The following NTRK3 variants were observed in gnomAD, a reference collection of about 807,000 sequenced individuals.
NTRK3 encodes neurotrophic receptor tyrosine kinase 3.
NTRK3 carries 24 observed loss-of-function variants against 91.7 expected under a neutral mutation model. The ratio of observed to expected loss-of-function variants is 0.26; its 90% CI spans 0.19 to 0.37. NTRK3 has a LOEUF of 0.37. Among genes scored for constraint, NTRK3 ranks in the 10% least tolerant of loss-of-function variants. NTRK3 has a pLI of 1.00. For missense variants in NTRK3, 880 were observed against 1,068.9 expected (o/e 0.82, Z 2.46); for synonymous variants, 483 against 404.0 (o/e 1.20, Z -2.34).
intron 14 of NTRK3, among the ~76,000 whole-genome samples, chr15:88,024,927 AGAAGT>A (rs2077902158): frequency 6.6e-6 from 1 of 152,266 alleles, no homozygotes; most frequent in Admixed American, 6.5e-5. Context: ...ATGACAGCTT[AGAAGT>A]GAAGTATGCT....
chr15:88,046,747 C>T (rs1266110496), intron 13 of NTRK3, among the ~76,000 whole-genome samples: 1 of 152,188 alleles, frequency 6.6e-6, no homozygotes, highest in African/African-American at 2.4e-5. Context: ...GCAAGGGCCC[C>T]AGCAGCCTCT....
At chr15:88,157,738 C>A (rs575067549) in intron 5 of NTRK3, among the ~76,000 whole-genome samples, 1 of 152,180 alleles carries the variant, frequency 6.6e-6, no homozygotes, top group East Asian at 1.9e-4. Context: ...GAGGAGATAA[C>A]TTGTTTGTGT....
intron 14 of NTRK3, among the ~76,000 whole-genome samples, chr15:88,012,837 C>T (rs2076975255): frequency 6.6e-6 from 1 of 152,212 alleles, no homozygotes; most frequent in African/African-American, 2.4e-5. Flanking sequence ...GAAATGCAGA[C>T]TGCTGAATCC....
intron 16 of NTRK3, among the ~76,000 whole-genome samples, chr15:87,932,457 G>A (rs2068886343): frequency 6.6e-6 from 1 of 152,132 alleles, no homozygotes; most frequent in Non-Finnish European, 1.5e-5. Flanking sequence ...GGCCATAGGT[G>A]GACACTGTAC....
intron 17 of NTRK3, among the ~76,000 whole-genome samples, chr15:87,892,035 C>G (rs1251955377): frequency 1.3e-5 from 2 of 151,706 alleles, no homozygotes; most frequent in Admixed American, 1.3e-4. Context: ...AAATTAAATG[C>G]AGAGCCCCTG....
At chr15:88,120,137 C>G (rs2052541673) in intron 13 of NTRK3, among the ~76,000 whole-genome samples, 1 of 152,182 alleles carries the variant, frequency 6.6e-6, no homozygotes, top group African/African-American at 2.4e-5. Flanking sequence ...ATGACTCCTT[C>G]CCAACTCTAA....
At chr15:88,127,327 C>T in intron 11 of NTRK3, 101 bp from the exon 12 acceptor site, 1 of 933,946 alleles carries the variant, frequency 1.1e-6, no homozygotes, top group Non-Finnish European at 1.7e-6. Flanking sequence ...GAGACTTCCC[C>T]CTGCAGAACA....
At chr15:88,080,237 T>C (rs1300448694) in intron 13 of NTRK3, among the ~76,000 whole-genome samples, 1 of 152,212 alleles carries the variant, frequency 6.6e-6, no homozygotes, top group Non-Finnish European at 1.5e-5. Flanking sequence ...AAACATGGAA[T>C]TGCTCAGTCA....
chr15:87,921,498 T>C (rs1435398), intron 17 of NTRK3, among the ~76,000 whole-genome samples: 78,809 of 152,024 alleles, frequency 0.52, 22,039 homozygotes, highest in African/African-American at 0.74. Context: ...CTACTCCTGG[T>C]CTCAGAGGAA....
chr15:88,227,420 A>G lies in NTRK3; in HGVS notation c.248+28486T>C, dbSNP rs74493592. Among the ~76,000 whole-genome samples, 344 of 152,312 alleles carry G rather than the reference A, an allele frequency of 2.3e-3. 6 individuals carry two copies. The highest frequency in any genetic ancestry group is 0.021 in the East Asian group (107 of 5,176). On this transcript the variant is annotated intron_variant, in intron 3 of 18. Transcript: ENST00000394480. Reference sequence around the variant, plus strand: ...CCTTTAAAGAGGTAATTAAGATACAATGAGGTCATTAGGATGGGCCTTAAT... The same window carrying G: ...CCTTTAAAGAGGTAATTAAGATACAGTGAGGTCATTAGGATGGGCCTTAAT...
intron 17 of NTRK3, among the ~76,000 whole-genome samples, chr15:87,918,956 G>T (rs1318314771): frequency 6.6e-6 from 1 of 152,192 alleles, no homozygotes; most frequent in East Asian, 1.9e-4. Context: ...CTGGGACTCA[G>T]TTCTTTCAGT....
intron 13 of NTRK3, among the ~76,000 whole-genome samples, chr15:88,096,097 T>C (rs557880256): frequency 6.6e-6 from 1 of 152,320 alleles, no homozygotes; most frequent in Admixed American, 6.5e-5. Flanking sequence ...AAAGTGACTT[T>C]GCTCCCCATT....
At chr15:88,071,038 A>G (rs1567334788) in intron 13 of NTRK3, among the ~76,000 whole-genome samples, 1 of 152,226 alleles carries the variant, frequency 6.6e-6, no homozygotes, top group Non-Finnish European at 1.5e-5. Flanking sequence ...TTGCTGTAGT[A>G]ATGATCTGAT....
chr15:88,220,323 T>A (rs2141565499), intron 3 of NTRK3, among the ~76,000 whole-genome samples: 1 of 151,698 alleles, frequency 6.6e-6, no homozygotes, highest in Non-Finnish European at 1.5e-5. Context: ...CACAGGAAAA[T>A]CCTAGCCTCT....
At chr15:88,231,994 G>A (rs751280634) in intron 3 of NTRK3, among the ~76,000 whole-genome samples, 1 of 152,060 alleles carries the variant, frequency 6.6e-6, no homozygotes, top group Non-Finnish European at 1.5e-5. Flanking sequence ...GTCACTAACC[G>A]GATAAGGTAC....
At chr15:88,116,203 G>A (rs1435152897) in intron 13 of NTRK3, among the ~76,000 whole-genome samples, 1 of 152,110 alleles carries the variant, frequency 6.6e-6, no homozygotes, top group Admixed American at 6.5e-5. Flanking sequence ...GTTTGGTTTC[G>A]AACCAAGGAA....
intron 6 of NTRK3, among the ~76,000 whole-genome samples, chr15:88,146,783 T>C (rs1341991322): frequency 1.3e-5 from 2 of 152,112 alleles, no homozygotes; most frequent in Non-Finnish European, 2.9e-5. Flanking sequence ...AAGAAGATTA[T>C]GAGTGGTGAA....
chr15:87,879,734 A>G (rs147098170), intron 18 of NTRK3, among the ~76,000 whole-genome samples: 134 of 152,362 alleles, frequency 8.8e-4, no homozygotes, highest in Non-Finnish European at 1.6e-3. Context: ...TAAGTTTAAC[A>G]GTAAACATAC....
Position 87,953,308 on chromosome 15 carries a change from G to A in NTRK3, c.1586-12555C>T, listed in dbSNP as rs567371357. On this transcript the variant is annotated intron_variant, in intron 14 of 18. Coordinates refer to ENST00000394480, the Ensembl canonical transcript of NTRK3. ...GGTCCATGTGTGTTCACCAAGCTCCGAGTTTGCTGCCTCTCGGGCACTAGC... is the reference window on the plus strand; with the variant it reads ...GGTCCATGTGTGTTCACCAAGCTCCAAGTTTGCTGCCTCTCGGGCACTAGC... Among the ~76,000 whole-genome samples the A allele has an allele frequency of 9.2e-5, 14 of 152,292 alleles. No homozygotes were observed. The South Asian group carries it at 1.2e-3, about 14-fold the overall frequency.
Sources: allele counts gnomAD v4.1 joint callset (sites outside exome capture counted in the v4.1 genomes callset), GRCh38; gene constraint gnomAD v4.1.1; transcripts MANE v1.5; gene names NCBI Gene and HGNC (gene_info 2026-07-23, HGNC 2026-07-21).